Variants in DPP10 observed in about 807,000 individuals in gnomAD.
The protein encoded by DPP10 is dipeptidyl peptidase like 10.
In DPP10, 33 loss-of-function variants were observed where a neutral mutation model predicts 120.9. The observed-to-expected ratio is 0.27, with a 90% CI of 0.21 to 0.37. DPP10 has a LOEUF of 0.37. Ranked by LOEUF, DPP10 falls within the 10% of genes least tolerant of loss-of-function variation. DPP10 has a pLI of 1.00. For missense variants in DPP10, 816 were observed against 942.8 expected, an observed-to-expected ratio of 0.87 and a Z score of 1.76; for synonymous variants, 337 against 326.1, an observed-to-expected ratio of 1.03 and a Z score of -0.36.
intron 1 of DPP10, among the ~76,000 whole-genome samples, chr2:115,167,551 G>A (rs2052983731): frequency 6.7e-6 from 1 of 148,760 alleles, no homozygotes; most frequent in African/African-American, 2.5e-5. Flanking sequence ...AGACCACAGT[G>A]AGCTGAGATT....
chr2:115,059,038 G>A (rs1706177570), intron 1 of DPP10, among the ~76,000 whole-genome samples: 1 of 152,150 alleles, frequency 6.6e-6, no homozygotes, highest in African/African-American at 2.4e-5. Context: ...ATCCATTCGT[G>A]TCTATCTTGG....
At chr2:114,721,016 T>C (rs543090582) in intron 1 of DPP10, among the ~76,000 whole-genome samples, 1 of 152,042 alleles carries the variant, frequency 6.6e-6, no homozygotes, top group African/African-American at 2.4e-5. Context: ...CAAGAAACAC[T>C]TTTGAGGGCT....
At chr2:114,978,702 G>A (rs759578819) in intron 1 of DPP10, among the ~76,000 whole-genome samples, 6 of 152,076 alleles carry the variant, frequency 3.9e-5, no homozygotes, top group Non-Finnish European at 7.4e-5. Flanking sequence ...TTAAATAGGA[G>A]TTGGGTTCAT....
intron 1 of DPP10, among the ~76,000 whole-genome samples, chr2:114,632,187 T>C (rs578147861): frequency 6.6e-6 from 1 of 152,284 alleles, no homozygotes; most frequent in Non-Finnish European, 1.5e-5. Flanking sequence ...ATTGTTCTGA[T>C]ATTAGATATC....
intron 16 of DPP10, among the ~76,000 whole-genome samples, chr2:115,782,007 A>G (rs1222666637): frequency 6.6e-6 from 1 of 151,966 alleles, no homozygotes; most frequent in African/African-American, 2.4e-5. Flanking sequence ...ATGAGGGGTG[A>G]AAGGGTTGTG....
At position 114,514,629 on chromosome 2, in the gene DPP10, C is replaced by T. The variant is rs894015020; in HGVS notation, c.60+71791C>T. On this transcript the variant is annotated intron_variant, in intron 1 of 25. Transcript: ENST00000410059. ...ACCAAAGATTTTGCCTCAAACTTTG[C>T]CACCACTGAGAACTTGGGGATGTGA... Among the ~76,000 whole-genome samples, 27 of 152,138 alleles carry T rather than the reference C, an allele frequency of 1.8e-4. 1 individual carries two copies. The highest frequency in any genetic ancestry group is 7.3e-5 in the Non-Finnish European group (5 of 68,034).
chr2:115,516,472 CTAT>C (rs3040025), intron 4 of DPP10, among the ~76,000 whole-genome samples: 29,154 of 151,606 alleles, frequency 0.19, 3,609 homozygotes, highest in East Asian at 0.39. Context: ...GCAAATCAAT[CTAT>C]TATTAGGAGT....
At chr2:114,922,594 G>A (rs1167285770) in intron 1 of DPP10, among the ~76,000 whole-genome samples, 2 of 152,190 alleles carry the variant, frequency 1.3e-5, no homozygotes, top group Admixed American at 6.5e-5. Context: ...TTACAGGTGT[G>A]AGCTACAGTG....
intron 3 of DPP10, among the ~76,000 whole-genome samples, chr2:115,377,727 G>C (rs1030813189): frequency 1.2e-4 from 18 of 152,054 alleles, no homozygotes; most frequent in African/African-American, 4.1e-4. Context: ...ATTGATTTTT[G>C]TATAAGGTGT....
intron 1 of DPP10, among the ~76,000 whole-genome samples, chr2:114,735,680 A>G (rs1201332560): frequency 6.6e-6 from 1 of 152,116 alleles, no homozygotes; most frequent in Non-Finnish European, 1.5e-5. Context: ...TTTCATGATC[A>G]CTTCCAAGAG....
chr2:115,431,421 A>G (rs2070971711), intron 3 of DPP10, among the ~76,000 whole-genome samples: 2 of 152,178 alleles, frequency 1.3e-5, no homozygotes, highest in Non-Finnish European at 1.5e-5. Context: ...AAACTCTTGC[A>G]TATTACTAGG....
chr2:114,570,832 C>CAA (rs1491117435), intron 1 of DPP10, among the ~76,000 whole-genome samples: 1 of 46,922 alleles, frequency 2.1e-5, no homozygotes, highest in Non-Finnish European at 3.9e-5. Context: ...GACTCTGTCT[C>CAA]AAATAAAAAA....
At chr2:115,435,636 A>C (rs921352359) in intron 3 of DPP10, among the ~76,000 whole-genome samples, 1 of 151,808 alleles carries the variant, frequency 6.6e-6, no homozygotes, top group Admixed American at 6.6e-5. Flanking sequence ...AATATTATCA[A>C]ATTCTGTTGG....
intron 1 of DPP10, among the ~76,000 whole-genome samples, chr2:114,718,117 A>C (rs1364992776): frequency 1.3e-5 from 2 of 151,996 alleles, no homozygotes; most frequent in Non-Finnish European, 2.9e-5. Flanking sequence ...ATAGTTCAAC[A>C]TAAAAATGAA....
chr2:115,524,937 C>T (rs1181025656), intron 4 of DPP10, among the ~76,000 whole-genome samples: 5 of 152,010 alleles, frequency 3.3e-5, no homozygotes, highest in Non-Finnish European at 7.4e-5. Flanking sequence ...ATTTCTTATC[C>T]TATCCATTGT....
intron 1 of DPP10, among the ~76,000 whole-genome samples, chr2:114,552,937 C>T (rs967249146): frequency 6.6e-6 from 1 of 152,150 alleles, no homozygotes; most frequent in African/African-American, 2.4e-5. Flanking sequence ...ATTAAATAGA[C>T]TTTTTCCTGT....
chr2:114,842,654 T>G (rs1688250276), intron 1 of DPP10, among the ~76,000 whole-genome samples: 1 of 152,130 alleles, frequency 6.6e-6, no homozygotes, highest in South Asian at 2.1e-4. Context: ...TTTCCACCAT[T>G]GCCAGTCTAC....
chr2:115,189,510 A>T (rs1393047085), intron 1 of DPP10, among the ~76,000 whole-genome samples: 2 of 152,218 alleles, frequency 1.3e-5, no homozygotes, highest in Non-Finnish European at 2.9e-5. Flanking sequence ...AAAATGGAGC[A>T]TCAAAGAATA....
intron 1 of DPP10, among the ~76,000 whole-genome samples, chr2:114,755,035 T>A (rs1208486712): frequency 1.3e-5 from 2 of 152,240 alleles, no homozygotes; most frequent in Non-Finnish European, 1.5e-5. Context: ...TAAAAACATG[T>A]ACTTGACTAT....
Sources: allele counts gnomAD v4.1 joint callset (sites outside exome capture counted in the v4.1 genomes callset), GRCh38; gene constraint gnomAD v4.1.1; transcripts MANE v1.5; gene names NCBI Gene and HGNC (gene_info 2026-07-23, HGNC 2026-07-21).